Variants in POU2F2 observed in about 807,000 individuals in gnomAD.
POU2F2 encodes POU domain, class 2, transcription factor 2.
In POU2F2, 14 loss-of-function variants were observed where a neutral mutation model predicts 63.5. The ratio of observed to expected loss-of-function variants is 0.22; its 90% confidence interval spans 0.15 to 0.34. The LOEUF (loss-of-function observed/expected upper bound fraction) is 0.34, where lower values mean the gene tolerates loss of function less well. POU2F2 is among the 10% of genes least tolerant of loss of function. The pLI, the probability that POU2F2 is intolerant of heterozygous loss-of-function variation, is 1.00. For missense variants in POU2F2, 607 were observed against 815.2 expected, an observed-to-expected ratio of 0.74 and a Z score of 3.11; for synonymous variants, 306 against 348.6, an observed-to-expected ratio of 0.88 and a Z score of 1.36.
At chr19:42,102,493 G>A (rs2077179954) in intron 5 of POU2F2, among the ~76,000 whole-genome samples, 1 of 151,944 alleles carries the variant, frequency 6.6e-6, no homozygotes, top group African/African-American at 2.4e-5. Flanking sequence ...ACAGTGGTAT[G>A]TGCCTGTAAT....
intron 2 of POU2F2, among the ~76,000 whole-genome samples, chr19:42,150,625 G>A (rs1051922553): frequency 5.1e-4 from 73 of 142,872 alleles, no homozygotes; most frequent in Non-Finnish European, 1.0e-3. Context: ...ACCAGGGCCC[G>A]AGCCGCCCTC....
intron 1 of POU2F2, among the ~76,000 whole-genome samples, chr19:42,170,826 G>A (rs1157720943): frequency 2.0e-5 from 3 of 152,260 alleles, no homozygotes; most frequent in African/African-American, 4.8e-5. Context: ...TTTCCCCGCT[G>A]AGGCGAGAAT....
intron 2 of POU2F2, among the ~76,000 whole-genome samples, chr19:42,141,465 T>G (rs577272917): frequency 1.1e-4 from 17 of 150,820 alleles, no homozygotes; most frequent in African/African-American, 3.9e-4. Flanking sequence ...GACAGGAACT[T>G]AATTAATCTT....
At chr19:42,186,531 T>C (rs2035014797) in intron 1 of POU2F2, among the ~76,000 whole-genome samples, 2 of 151,730 alleles carry the variant, frequency 1.3e-5, no homozygotes, top group Admixed American at 6.6e-5. Context: ...GGCCCAATCA[T>C]TAAGTATCTT....
chr19:42,165,331 C>CA (rs1190301954), intron 1 of POU2F2, among the ~76,000 whole-genome samples: 11 of 152,242 alleles, frequency 7.2e-5, no homozygotes, highest in Non-Finnish European at 7.3e-5. Flanking sequence ...AAGCCAAATA[C>CA]AGTCCCCTGT....
At chr19:42,094,293 GGA>G (rs1402662347) in intron 11 of POU2F2, among the ~76,000 whole-genome samples, 1 of 152,224 alleles carries the variant, frequency 6.6e-6, no homozygotes, top group African/African-American at 2.4e-5. Context: ...AAGCAATGCA[GGA>G]GAGACTGTTC....
At chr19:42,143,720 C>T (rs767469525) in intron 2 of POU2F2, among the ~76,000 whole-genome samples, 4 of 152,312 alleles carry the variant, frequency 2.6e-5, no homozygotes, top group South Asian at 2.1e-4. Flanking sequence ...CTGCAATCCA[C>T]GCCCGCGCTT....
At chr19:42,122,012 C>T (rs552107894) in intron 4 of POU2F2, 114 bp downstream of exon 4, 52 of 1,133,698 alleles carry the variant, frequency 4.6e-5, no homozygotes, top group Admixed American at 3.5e-4. Flanking sequence ...GGAGGAACCT[C>T]GTTACCAAGG....
chr19:42,165,568 G>C (rs1052839900), intron 1 of POU2F2, among the ~76,000 whole-genome samples: 1 of 152,202 alleles, frequency 6.6e-6, no homozygotes, highest in Non-Finnish European at 1.5e-5. Flanking sequence ...CTGAGATAAT[G>C]TGCACTTCTG....
At chr19:42,112,519 G>T (rs1446323742) in intron 5 of POU2F2, among the ~76,000 whole-genome samples, 1 of 152,142 alleles carries the variant, frequency 6.6e-6, no homozygotes, top group Non-Finnish European at 1.5e-5. Context: ...ACAGGCGCAT[G>T]CCACCACGGC....
chr19:42,188,596 A>G (rs111246185), intron 1 of POU2F2, among the ~76,000 whole-genome samples: 17,258 of 146,538 alleles, frequency 0.12, 1,153 homozygotes, highest in Middle Eastern at 0.19. Context: ...GCTTGAACCC[A>G]GGAGGCGGAG....
chr19:42,132,574 C>T (rs764337052), upstream of POU2F2: 36 of 535,588 alleles, frequency 6.7e-5, no homozygotes, highest in Non-Finnish European at 9.1e-5. Flanking sequence ...CCCCGGCAGC[C>T]CGGCCCACCC....
In POU2F2 at chr19:42,093,679, C is replaced by T. The variant is rs947539920; in HGVS notation, c.1264+150G>A. ...CCTGCAGAGGAGGGGTGAGTCCTAC[C>T]CTCTTCCCACTGTCTCTCCCATTCC... On this transcript the variant is annotated intron_variant, in intron 12 of 14. Coordinates refer to ENST00000692977, the MANE Select transcript of POU2F2 (RefSeq NM_001394376.1). 13 of 714,988 alleles carry T rather than the reference C, an allele frequency of 1.8e-5. No homozygotes were observed. In the African/African-American group the frequency reaches 2.3e-4, roughly 13 times the overall value. 44.3% of individuals were successfully genotyped at this position (714,988 alleles called of 1,614,324 possible). A position where few individuals can be genotyped will look rare whatever the true frequency, so the allele number is the denominator to read the frequency against.
At position 42,091,196 on chromosome 19, in the gene POU2F2, C is replaced by T. The variant is rs2076700131; in HGVS notation, c.*61G>A. 4.1e-6 allele frequency: 6 copies of T among 1,452,806 alleles called. No individual in the cohort carries two copies. The highest frequency in any genetic ancestry group is 5.5e-6 in the Non-Finnish European group (6 of 1,096,112). The allele number at this position is 1,452,806 out of a possible 1,614,324, so 90.0% of individuals were successfully genotyped here. On this transcript the variant is annotated 3_prime_UTR_variant, in exon 15 of 15. Transcript: ENST00000692977. ...TCCCCACCACTGGCCTCCTCGCCCT[C>T]TTCCCAGGCAAGGGACCAAGGCAGG...
intron 5 of POU2F2, among the ~76,000 whole-genome samples, chr19:42,105,472 T>C (rs958096227): frequency 6.6e-6 from 1 of 152,144 alleles, no homozygotes; most frequent in African/African-American, 2.4e-5. Flanking sequence ...ACCCTTAGCT[T>C]GTTGATTAAA....
chr19:42,092,264 G>A lies in POU2F2; in HGVS notation c.1271C>T (p.Thr424Ile). 1 of 1,552,192 alleles carries A rather than the reference G, an allele frequency of 6.4e-7. No individual in the cohort carries two copies. Among genetic ancestry groups the A allele is most frequent in the Non-Finnish European group, 8.7e-7 (1 of 1,146,082 alleles). The change falls in exon 13 of 15, where the codon ACC becomes ATC. Residue 424 changes from threonine to isoleucine, a missense_variant. Physicochemically the swap from Thr to Ile is moderately conservative, Grantham distance 89. Transcript: ENST00000692977. This position sits in a 1 kb window ranked among gnomAD's most constrained non-coding sequence, Gnocchi z 5.0. ...ASSSLSTTVT[T>I]LSSAVGTLHP... is the part of the protein sequence containing the mutation. Reference sequence around the variant, plus strand: ...GAGCGTCCCCACAGCTGAGGATAAGGTAGTAACTGCCAGAGAGAGACAGAA... The same window carrying A: ...GAGCGTCCCCACAGCTGAGGATAAGATAGTAACTGCCAGAGAGAGACAGAA...
In POU2F2 at chr19:42,090,992, T is replaced by G; in HGVS notation, c.*265A>C. The G allele has an allele frequency of 9.7e-6, 3 of 308,096 alleles. No individual in the cohort carries two copies. The highest frequency in any genetic ancestry group is 1.3e-4 in the South Asian group (1 of 7,852). The allele number at this position is 308,096 out of a possible 1,614,324, so 19.1% of individuals were successfully genotyped here. On this transcript the variant is annotated 3_prime_UTR_variant, in exon 15 of 15. Transcript: ENST00000692977. The surrounding 1 kb of genome is among the most constrained non-coding windows in gnomAD (Gnocchi z 4.4). Reference sequence around the variant, plus strand: ...TGGGTTTTTTTTTTTTTTGGTTTGTTTTTGGTTTTTTTTTGTTTGTTTTTC... The same window carrying G: ...TGGGTTTTTTTTTTTTTTGGTTTGTGTTTGGTTTTTTTTTGTTTGTTTTTC...
At chr19:42,133,915 C>T (rs1421111260), upstream of POU2F2, among the ~76,000 whole-genome samples, 5 of 152,226 alleles carry the variant, frequency 3.3e-5, no homozygotes, top group Admixed American at 6.5e-5. This position sits in a 1 kb window ranked among gnomAD's most constrained non-coding sequence, Gnocchi z 5.1. Flanking sequence ...CCAGACACAC[C>T]CAGGCAAGCA....
Position 42,091,839 on chromosome 19 carries a change from G to T in POU2F2, c.1540+28C>A, listed in dbSNP as rs142827647. 5,980 of 1,539,416 alleles carry T rather than the reference G, an allele frequency of 3.9e-3. 19 individuals carry two copies. The highest frequency in any genetic ancestry group is 4.9e-3 in the Admixed American group (252 of 51,008). On this transcript the variant is annotated intron_variant, in intron 14 of 14. Coordinates refer to ENST00000692977, the MANE Select transcript of POU2F2 (RefSeq NM_001394376.1). ...GGCCCCAGAGGATAGGGCTGGTGAC[G>T]ATGGGTGTGACATGAGGCAGCACGC...
Sources: allele counts gnomAD v4.1 joint callset (sites outside exome capture counted in the v4.1 genomes callset), GRCh38; gene constraint gnomAD v4.1.1; non-coding constraint Gnocchi (gnomAD v3.1); transcripts MANE v1.5; gene names NCBI Gene and HGNC (gene_info 2026-07-23, HGNC 2026-07-21).